ACBD6: variants seen among roughly 807,000 people sequenced by gnomAD.
ACBD6 encodes acyl-CoA-binding domain-containing protein 6.
A neutral mutation model predicts 37.2 loss-of-function variants in ACBD6; 28 were observed. The ratio of observed to expected loss-of-function variants is 0.75; its 90% CI spans 0.56 to 1.03. The LOEUF (loss-of-function observed/expected upper bound fraction) is 1.03, where lower values mean the gene tolerates loss of function less well. ACBD6 is among the 50% of genes least tolerant of loss of function. The pLI is 0.00. For synonymous variants in ACBD6, 113 were observed against 126.8 expected, an observed-to-expected ratio of 0.89 and a Z score of 0.73; for missense variants, 340 against 337.4, an observed-to-expected ratio of 1.01 and a Z score of -0.06.
intron 7 of ACBD6, among the ~76,000 whole-genome samples, chr1:180,299,094 T>A (rs1650031117): frequency 6.6e-6 from 1 of 152,244 alleles, no homozygotes; most frequent in African/African-American, 2.4e-5. Flanking sequence ...TGCTTCTTTT[T>A]GTATTCTCTT....
intron 6 of ACBD6, among the ~76,000 whole-genome samples, chr1:180,378,843 A>C (rs1653538827): frequency 6.6e-6 from 1 of 151,746 alleles, no homozygotes; most frequent in African/African-American, 2.4e-5. Context: ...AGCCACCACC[A>C]CCACCAGTGG....
In ACBD6 at chr1:180,501,354, T is replaced by C. The variant is rs912572119; in HGVS notation, c.222+691A>G. 5.3e-5 allele frequency among the ~76,000 whole-genome samples: 8 copies of C among 152,288 alleles called. No homozygotes were observed. In the East Asian group the frequency reaches 1.5e-3, roughly 29 times the overall value. ...GCATTGCATCACATTATTATTATTA[T>C]TATTATTTGAGGTGGAGTTTCTTCG... On this transcript the variant is annotated intron_variant, in intron 1 of 7. Coordinates refer to ENST00000367595, the MANE Select transcript of ACBD6 (RefSeq NM_032360.4).
chr1:180,482,191 C>T (rs1393432458), intron 3 of ACBD6, among the ~76,000 whole-genome samples: 1 of 151,806 alleles, frequency 6.6e-6, no homozygotes, highest in African/African-American at 2.4e-5. Context: ...GTATAAACAA[C>T]AGGTATAAAT....
Position 180,397,624 on chromosome 1 carries a change from A to C in ACBD6, c.574-19T>G. On this transcript the variant is annotated intron_variant, in intron 5 of 7. Coordinates refer to ENST00000367595, the MANE Select transcript of ACBD6 (RefSeq NM_032360.4). Reference sequence around the variant, plus strand: ...CCCTACCCTAAAAACACAGAAGATAAATGAATTTGTTATCTCAGTTGTGGA... The same window carrying C: ...CCCTACCCTAAAAACACAGAAGATACATGAATTTGTTATCTCAGTTGTGGA... 1 of 1,590,776 alleles carries C rather than the reference A, an allele frequency of 6.3e-7. No individual in the cohort carries two copies. The highest frequency in any genetic ancestry group is 1.3e-5 in the African/African-American group (1 of 74,540).
At chr1:180,492,855 T>C (rs1373738186) in intron 2 of ACBD6, among the ~76,000 whole-genome samples, 1 of 152,126 alleles carries the variant, frequency 6.6e-6, no homozygotes, top group African/African-American at 2.4e-5. Flanking sequence ...ATACAAGAAA[T>C]CCACCTTCCC....
Position 180,440,443 on chromosome 1 carries a change from G to A in ACBD6, c.385-10181C>T, listed in dbSNP as rs548473122. On this transcript the variant is annotated intron_variant, in intron 3 of 7. Transcript: ENST00000367595. ...CTTTATTTCACGTTTACTTCTTTTTGTATTGACATGAGATTCACATAAAAT... is the reference window on the plus strand; with the variant it reads ...CTTTATTTCACGTTTACTTCTTTTTATATTGACATGAGATTCACATAAAAT... Among the ~76,000 whole-genome samples, 4 of 152,192 alleles carry A rather than the reference G, an allele frequency of 2.6e-5. No homozygotes were observed. The East Asian group carries it at 7.7e-4, about 29-fold the overall frequency.
intron 5 of ACBD6, among the ~76,000 whole-genome samples, chr1:180,409,049 TG>T (rs1437306902): frequency 1.3e-5 from 2 of 151,878 alleles, no homozygotes; most frequent in Admixed American, 1.3e-4. Context: ...CCTAGCTACC[TG>T]GGGGCTGAGG....
In ACBD6 at chr1:180,325,324, C is replaced by CA. The variant is rs552557339; in HGVS notation, c.664-10603dup. Among the ~76,000 whole-genome samples, 177 of 152,238 alleles carry CA rather than the reference C, an allele frequency of 1.2e-3. 2 individuals carry two copies. The highest frequency in any genetic ancestry group is 4.1e-3 in the African/African-American group (172 of 41,550). ...TTTTTAAGTAGTCTGTCTTCAAGCT[C>CA]ACAAATTCTTCTGCTTAATTCTGCT... is the stretch of plus-strand genomic sequence containing the variant. On this transcript the variant is annotated intron_variant, in intron 6 of 7. Transcript: ENST00000367595.
In ACBD6 at chr1:180,288,432, C is replaced by T. The variant is rs1264215804; in HGVS notation, c.780G>A (p.Leu260=). 6.2e-7 allele frequency: 1 copy of T among 1,613,642 alleles called. No homozygotes were observed. The highest frequency in any genetic ancestry group is 8.5e-7 in the Non-Finnish European group (1 of 1,179,984). The change falls in exon 8 of 8, where the codon CTG becomes CTA. Residue 260 remains leucine (L), a synonymous_variant. Coordinates refer to ENST00000367595, the MANE Select transcript of ACBD6 (RefSeq NM_032360.4). ...DPTLRDQDGC[L]PEEVTGCKTV... is the part of the protein sequence containing the mutation. ...TTTTGCAGCCTGTCACCTCCTCTGG[C>T]AGGCAGCCATCCTGGTCTCGGAGAG...
In ACBD6 at chr1:180,351,582, GTTTT is replaced by G. The variant is rs59490649; in HGVS notation, c.664-36864_664-36861del. Among the ~76,000 whole-genome samples, 816 of 96,974 alleles carry G rather than the reference GTTTT, an allele frequency of 8.4e-3. 6 individuals are homozygous for G. Among genetic ancestry groups the G allele is most frequent in the African/African-American group, 0.027 (760 of 28,098 alleles). The allele number at this position is 96,974 out of a possible 152,430, so 63.6% of individuals were successfully genotyped here. A position where few individuals can be genotyped will look rare whatever the true frequency, so the allele number is the denominator to read the frequency against. ...GTCACTGTGCCTGGCCCGATATTAC[GTTTT>G]TTTTTTTTTTTTTTTTGATAGGGCA... On this transcript the variant is annotated intron_variant, in intron 6 of 7. Transcript: ENST00000367595.
intron 5 of ACBD6, among the ~76,000 whole-genome samples, chr1:180,409,670 C>G (rs1647774171): frequency 6.6e-6 from 1 of 152,172 alleles, no homozygotes; most frequent in South Asian, 2.1e-4. Flanking sequence ...CCAACAGATA[C>G]TTTGTGTGTT....
At chr1:180,298,025 A>C (rs2149282035) in intron 7 of ACBD6, among the ~76,000 whole-genome samples, 1 of 152,350 alleles carries the variant, frequency 6.6e-6, no homozygotes, top group East Asian at 1.9e-4. Context: ...GATAACAGGC[A>C]TGAGCCACTG....
chr1:180,351,424 T>C (rs1455191886), intron 6 of ACBD6, among the ~76,000 whole-genome samples: 1 of 151,930 alleles, frequency 6.6e-6, no homozygotes, highest in African/African-American at 2.4e-5. Context: ...TACAGGTGCG[T>C]GCCACCATGC....
intron 6 of ACBD6, among the ~76,000 whole-genome samples, chr1:180,319,805 T>C (rs919394810): frequency 6.6e-5 from 10 of 152,204 alleles, no homozygotes; most frequent in African/African-American, 2.4e-4. Flanking sequence ...ATCTCCAGGG[T>C]CTATCCATGT....
intron 6 of ACBD6, among the ~76,000 whole-genome samples, chr1:180,393,154 C>T (rs1012762643): frequency 2.6e-5 from 4 of 152,112 alleles, no homozygotes; most frequent in Non-Finnish European, 4.4e-5. Flanking sequence ...AACCTAACTT[C>T]CAGAGTGGAA....
intron 6 of ACBD6, among the ~76,000 whole-genome samples, chr1:180,371,057 A>C (rs1282317011): frequency 2.6e-5 from 4 of 152,106 alleles, no homozygotes; most frequent in Non-Finnish European, 2.9e-5. Context: ...CTAACTGAAA[A>C]TTGATAAACT....
At chr1:180,417,314 G>A (rs538653197) in intron 4 of ACBD6, among the ~76,000 whole-genome samples, 6 of 151,978 alleles carry the variant, frequency 3.9e-5, no homozygotes, top group South Asian at 2.1e-4. Flanking sequence ...TCTTCTCCTC[G>A]TTTGTAAAGG....
intron 6 of ACBD6, among the ~76,000 whole-genome samples, chr1:180,376,830 T>A (rs1318691371): frequency 6.6e-6 from 1 of 152,154 alleles, no homozygotes; most frequent in Middle Eastern, 3.2e-3. Flanking sequence ...ATGTTTCAGA[T>A]ACCCCCCAAA....
At chr1:180,333,579 C>G (rs1331469835) in intron 6 of ACBD6, among the ~76,000 whole-genome samples, 1 of 152,142 alleles carries the variant, frequency 6.6e-6, no homozygotes, top group East Asian at 1.9e-4. Flanking sequence ...CTGACAGCTC[C>G]CAGTGTGAGC....
Sources: allele counts gnomAD v4.1 joint callset (sites outside exome capture counted in the v4.1 genomes callset), GRCh38; gene constraint gnomAD v4.1.1; transcripts MANE v1.5; gene names NCBI Gene and HGNC (gene_info 2026-07-23, HGNC 2026-07-21).